The following PHF21B variants were observed in gnomAD, a reference collection of about 807,000 sequenced individuals.
PHF21B encodes PHD finger protein 21B.
A neutral mutation model predicts 62.2 loss-of-function variants in PHF21B; 22 were observed. The observed-to-expected ratio is 0.35, with a 90% confidence interval of 0.25 to 0.51. The LOEUF is 0.51. Ranked by LOEUF, PHF21B falls within the 20% of genes least tolerant of loss-of-function variation. The pLI is 0.97. For missense variants in PHF21B, 701 were observed against 707.9 expected, an observed-to-expected ratio of 0.99 and a Z score of 0.11; for synonymous variants, 341 against 314.7, an observed-to-expected ratio of 1.08 and a Z score of -0.88.
In PHF21B at chr22:44,969,494, C is replaced by G. The variant is rs543209115; in HGVS notation, c.120+39051G>C. Reference sequence around the variant, plus strand: ...CAGCCTGGCCAACATGGTGAAACTCCGTCTCTACTAAAAATACAAAAATTA... The same window carrying G: ...CAGCCTGGCCAACATGGTGAAACTCGGTCTCTACTAAAAATACAAAAATTA... On this transcript the variant is annotated intron_variant, in intron 2 of 12. Transcript: ENST00000313237. Among the ~76,000 whole-genome samples the G allele has an allele frequency of 7.4e-4, 112 of 152,198 alleles. 1 individual carries two copies. Among genetic ancestry groups the G allele is most frequent in the African/African-American group, 2.7e-3 (111 of 41,532 alleles).
At chr22:44,964,938 T>A (rs910791810) in intron 2 of PHF21B, among the ~76,000 whole-genome samples, 2 of 152,200 alleles carry the variant, frequency 1.3e-5, no homozygotes, top group African/African-American at 4.8e-5. Flanking sequence ...TCTCTGAGCC[T>A]TGGCTCCTGT....
intron 3 of PHF21B, among the ~76,000 whole-genome samples, chr22:44,918,501 G>GCAGC (rs2071478996): frequency 6.6e-6 from 1 of 152,180 alleles, no homozygotes; most frequent in African/African-American, 2.4e-5. Context: ...TGGCCTGTAT[G>GCAGC]CAGCCCCAGG....
intron 2 of PHF21B, among the ~76,000 whole-genome samples, chr22:44,978,080 T>G (rs2072771665): frequency 1.3e-5 from 2 of 152,186 alleles, no homozygotes; most frequent in African/African-American, 4.8e-5. Context: ...CACATTCTGT[T>G]GTATTTCATT....
chr22:44,891,446 T>G, intron 7 of PHF21B, 86 bp from the exon 8 acceptor site: 1 of 1,505,188 alleles, frequency 6.6e-7, no homozygotes, highest in South Asian at 1.2e-5. Context: ...GGACTCTCTC[T>G]GGGACAGGGT....
intron 2 of PHF21B, among the ~76,000 whole-genome samples, chr22:44,978,769 C>T (rs969407888): frequency 1.3e-5 from 2 of 152,168 alleles, no homozygotes; most frequent in Non-Finnish European, 2.9e-5. Flanking sequence ...TCCTGGCTCC[C>T]GTAGGAGCTA....
chr22:44,893,435 A>G (rs1394048234), intron 7 of PHF21B, 22 bp downstream of exon 7: 2 of 1,581,328 alleles, frequency 1.3e-6, no homozygotes, highest in South Asian at 2.3e-5. Flanking sequence ...TCCTGGTGGC[A>G]TGGGGCTGGC....
chr22:44,933,581 G>A (rs935978569), intron 2 of PHF21B: 9 of 975,450 alleles, frequency 9.2e-6, no homozygotes, highest in African/African-American at 3.5e-5. Flanking sequence ...GGAAGTGCAC[G>A]GGAAGGTCTC....
chr22:45,004,860 A>C (rs891444311), intron 2 of PHF21B, among the ~76,000 whole-genome samples: 4 of 152,246 alleles, frequency 2.6e-5, no homozygotes, highest in Non-Finnish European at 5.9e-5. Context: ...CTCAGAACCC[A>C]GAGTTCATCA....
Position 45,009,714 on chromosome 22 carries a change from A to C in PHF21B, c.-165T>G, listed in dbSNP as rs949990655. ...GGCCGAAAGGGAAGGGGGCTGGCGAAGGGGAAGACAGGCTTCCGGGCGCCG... is the reference window on the plus strand; with the variant it reads ...GGCCGAAAGGGAAGGGGGCTGGCGACGGGGAAGACAGGCTTCCGGGCGCCG... On this transcript the variant is annotated 5_prime_UTR_variant, in exon 1 of 13. Coordinates refer to ENST00000313237, the MANE Select transcript of PHF21B (RefSeq NM_138415.5). The surrounding 1 kb of genome is among the most constrained non-coding windows in gnomAD (Gnocchi z 5.9). 1.2e-5 allele frequency: 7 copies of C among 562,620 alleles called. No individual in the cohort carries two copies. The highest frequency in any genetic ancestry group is 2.8e-5 in the South Asian group (1 of 36,336). The allele number at this position is 562,620 out of a possible 1,614,324, so 34.9% of individuals were successfully genotyped here. A position where few individuals can be genotyped will look rare whatever the true frequency, so the allele number is the denominator to read the frequency against.
At chr22:44,930,771 T>A (rs578090394) in intron 2 of PHF21B, among the ~76,000 whole-genome samples, 1 of 81,912 alleles carries the variant, frequency 1.2e-5, no homozygotes, top group East Asian at 3.7e-4. Context: ...TCTGACAGGA[T>A]AGGTTGCTGG....
In PHF21B at chr22:44,902,529, T is replaced by TCTTCTGCTA. The variant is rs373738272; in HGVS notation, c.832-6447_832-6446insTAGCAGAAG. 783 of 159,862 alleles carry TCTTCTGCTA rather than the reference T, an allele frequency of 4.9e-3. 5 individuals are homozygous for TCTTCTGCTA. The highest frequency in any genetic ancestry group is 0.018 in the African/African-American group (740 of 41,796). The allele number at this position is 159,862 out of a possible 1,614,324, so 9.9% of individuals were successfully genotyped here. ...TCTGCCTCTGGTGTCCCTTACCGTGTCTTCTGCTGTATCCATGGCCCTCTG... is the reference window on the plus strand; with the variant it reads ...TCTGCCTCTGGTGTCCCTTACCGTGTCTTCTGCTACTTCTGCTGTATCCATGGCCCTCTG... On this transcript the variant is annotated intron_variant, in intron 5 of 12. Transcript: ENST00000313237.
chr22:44,953,630 C>T (rs905522625), intron 2 of PHF21B, among the ~76,000 whole-genome samples: 3 of 152,112 alleles, frequency 2.0e-5, no homozygotes, highest in African/African-American at 4.8e-5. Context: ...AATGGAGATT[C>T]CCCAGGGGAG....
intron 2 of PHF21B, among the ~76,000 whole-genome samples, chr22:44,925,513 G>A (rs545109380): frequency 1.3e-5 from 2 of 152,144 alleles, no homozygotes; most frequent in Non-Finnish European, 2.9e-5. Context: ...TGTCCTCTGA[G>A]CCAACTGCCT....
At chr22:45,001,607 G>A (rs927538243) in intron 2 of PHF21B, among the ~76,000 whole-genome samples, 1 of 152,240 alleles carries the variant, frequency 6.6e-6, no homozygotes, top group Non-Finnish European at 1.5e-5. Flanking sequence ...CCCTCTGCAA[G>A]TGTAAAGCCT....
In PHF21B at chr22:44,920,457, C is replaced by A. The variant is rs1395245241; in HGVS notation, c.154G>T (p.Gly52Cys). 2.5e-6 allele frequency: 4 copies of A among 1,613,226 alleles called. No individual in the cohort carries two copies. The highest frequency in any genetic ancestry group is 2.2e-5 in the East Asian group (1 of 44,836). Residue 52 changes from glycine (G) to cysteine (C), a missense_variant, in exon 3 of 13, where the codon GGT (glycine) becomes TGT (cysteine). Transcript: ENST00000313237. The stretch of plus-strand genomic sequence containing the variant: ...CTCTGCAAGGAGCTGACCTGAGGAC[C>A]CGTGACAGGCACTGCAGTGATCGTT... ...LGTITAVPVT[G>C]PQVSSLQRLA...
intron 2 of PHF21B, among the ~76,000 whole-genome samples, chr22:44,975,561 A>G (rs983711983): frequency 1.3e-5 from 2 of 152,246 alleles, no homozygotes; most frequent in African/African-American, 2.4e-5. Context: ...AAGCATTTAC[A>G]GAACACCGAG....
intron 12 of PHF21B, among the ~76,000 whole-genome samples, chr22:44,884,615 CA>C (rs1382091382): frequency 1.3e-5 from 2 of 151,452 alleles, no homozygotes; most frequent in Non-Finnish European, 2.9e-5. Flanking sequence ...TCACCATAAT[CA>C]CCACCATAAT....
At chr22:44,925,913 G>A (rs2071620153) in intron 2 of PHF21B, among the ~76,000 whole-genome samples, 1 of 152,224 alleles carries the variant, frequency 6.6e-6, no homozygotes, top group Non-Finnish European at 1.5e-5. Flanking sequence ...AACAGTCAGG[G>A]CCCCAGGCCA....
chr22:44,954,050 G>A (rs1481122861), intron 2 of PHF21B, among the ~76,000 whole-genome samples: 1 of 152,244 alleles, frequency 6.6e-6, no homozygotes, highest in Non-Finnish European at 1.5e-5. Flanking sequence ...CCAGTGGGGT[G>A]TGGCCCACCG....
Sources: gnomAD v4.1 joint callset for allele counts (sites outside exome capture counted in the v4.1 genomes callset) on GRCh38, gnomAD v4.1.1 for gene constraint, Gnocchi (gnomAD v3.1) non-coding constraint, MANE v1.5 for transcripts, NCBI Gene and HGNC (gene_info 2026-07-23, HGNC 2026-07-21) for gene names.